The following STN1 variants were observed in gnomAD, a reference collection of about 807,000 sequenced individuals.
STN1 encodes the protein CST complex subunit STN1.
In STN1, 29 loss-of-function variants were observed where a neutral mutation model predicts 45.5. That is an observed-to-expected ratio of 0.64 (90% CI 0.47 to 0.87). STN1 has a LOEUF of 0.87. STN1 is among the 40% of genes least tolerant of loss of function. STN1 has a pLI of 0.00. For synonymous variants in STN1, 148 were observed against 159.0 expected, an observed-to-expected ratio of 0.93 and a Z score of 0.52; for missense variants, 376 against 441.4, an observed-to-expected ratio of 0.85 and a Z score of 1.33.
chr10:103,893,029 G>A (rs559007220), intron 7 of STN1, among the ~76,000 whole-genome samples: 3 of 152,300 alleles, frequency 2.0e-5, no homozygotes, highest in South Asian at 4.2e-4. Context: ...CCTAGCACAC[G>A]TTAGGTGACT....
At chr10:103,909,174 T>TACAGAG in intron 3 of STN1, among the ~76,000 whole-genome samples, 1 of 151,406 alleles carries the variant, frequency 6.6e-6, no homozygotes, top group African/African-American at 2.4e-5. Flanking sequence ...GTTGTTGGCA[T>TACAGAG]TTGGAGAGGA....
At chr10:103,915,881 G>A (rs1843327573) in intron 2 of STN1, among the ~76,000 whole-genome samples, 1 of 151,962 alleles carries the variant, frequency 6.6e-6, no homozygotes, top group African/African-American at 2.4e-5. Context: ...TTATCCTAAG[G>A]AGTGTGCAAC....
intron 3 of STN1, among the ~76,000 whole-genome samples, chr10:103,905,861 CAA>C (rs1843237108): frequency 6.6e-6 from 1 of 152,152 alleles, no homozygotes; most frequent in South Asian, 2.1e-4. Context: ...AAAAATCAAA[CAA>C]TTCCCATTGC....
intron 9 of STN1, among the ~76,000 whole-genome samples, chr10:103,884,089 C>CAAAAAAAA (rs35521096): frequency 1.0e-4 from 5 of 49,798 alleles, no homozygotes; most frequent in African/African-American, 4.0e-4. Context: ...GACTCCATCT[C>CAAAAAAAA]AAAAAAAAAA....
intron 4 of STN1, among the ~76,000 whole-genome samples, chr10:103,900,730 A>ACT (rs71019699): frequency 1.7e-3 from 243 of 145,982 alleles, no homozygotes; most frequent in Middle Eastern, 3.5e-3. Flanking sequence ...ACACACACAC[A>ACT]CTCTCTCTCT....
rs550312206 is a variant in STN1, at chr10:103,884,587, G to A, written c.950-1746C>T. ...GGCGCAGGCATGGTCTCTCTCTGCCGTATACCCAGTATCTGGCACACAAAA... is the reference window on the plus strand; with the variant it reads ...GGCGCAGGCATGGTCTCTCTCTGCCATATACCCAGTATCTGGCACACAAAA... On this transcript the variant is annotated intron_variant, in intron 9 of 9. Coordinates refer to ENST00000224950, the MANE Select transcript of STN1 (RefSeq NM_024928.5). Among the ~76,000 whole-genome samples, 33 of 152,224 alleles carry A rather than the reference G, an allele frequency of 2.2e-4. 1 individual carries two copies. In the South Asian group the frequency reaches 6.8e-3, roughly 32 times the overall value.
chr10:103,904,298 T>C (rs1341843843), intron 4 of STN1, among the ~76,000 whole-genome samples: 3 of 152,102 alleles, frequency 2.0e-5, no homozygotes, highest in Non-Finnish European at 4.4e-5. Context: ...TATTCTTTCA[T>C]ATTATGAACT....
chr10:103,888,922 G>A, intron 9 of STN1, 150 bp downstream of exon 9: 1 of 604,656 alleles, frequency 1.7e-6, no homozygotes, highest in Non-Finnish European at 3.0e-6. Context: ...AGGAGATGGA[G>A]GCTCAGGGAG....
In STN1 at chr10:103,900,131, C is replaced by T; in HGVS notation, c.388G>A (p.Asp130Asn). The T allele has an allele frequency of 3.1e-6, 5 of 1,614,158 alleles. No homozygotes were observed. The highest frequency in any genetic ancestry group is 1.3e-5 in the African/African-American group (1 of 75,026). The change falls in exon 5 of 10, where the codon GAC becomes AAC. Residue 130 changes from aspartate (D) to asparagine (N), a missense_variant. Transcript: ENST00000224950. The stretch of plus-strand genomic sequence containing the variant: ...ATACTGCCTCTGACTCGGATCGTGT[C>T]CCCGATCTCTATCTTTGTTTTCTGC... ...IEQKTKIEIG[D>N]TIRVRGSIRT... is the part of the protein sequence containing the mutation.
Position 103,905,161 on chromosome 10 carries a change from A to G in STN1, c.230-5T>C. On this transcript the variant is annotated splice_polypyrimidine_tract_variant and splice_region_variant and intron_variant, in intron 3 of 9. Transcript: ENST00000224950. Reference sequence around the variant, plus strand: ...TAACTCCAGTGCTGTCATCCACTGCAAGAGAAAAGCAAAAGGGTATAAGAG... The same window carrying G: ...TAACTCCAGTGCTGTCATCCACTGCGAGAGAAAAGCAAAAGGGTATAAGAG... 1 of 1,613,784 alleles carries G rather than the reference A, an allele frequency of 6.2e-7. No individual in the cohort carries two copies. The highest frequency in any genetic ancestry group is 1.1e-5 in the South Asian group (1 of 91,064).
Position 103,902,175 on chromosome 10 carries a change from G to A in STN1, c.296-1952C>T, listed in dbSNP as rs779709514. ...CAACATAGGGAGCACAGAGAACTCT[G>A]TGCATTCAGTGAGTCCAGGTAGGAA... On this transcript the variant is annotated intron_variant, in intron 4 of 9. Coordinates refer to ENST00000224950, the MANE Select transcript of STN1 (RefSeq NM_024928.5). Among the ~76,000 whole-genome samples the A allele has an allele frequency of 1.3e-4, 20 of 152,274 alleles. No individual in the cohort carries two copies. In the South Asian group the frequency reaches 1.5e-3, roughly 11 times the overall value.
chr10:103,884,316 G>A (rs955720978), intron 9 of STN1, among the ~76,000 whole-genome samples: 8 of 151,968 alleles, frequency 5.3e-5, no homozygotes, highest in African/African-American at 1.9e-4. Flanking sequence ...ATTTTTGTAG[G>A]TTGCGATCAG....
chr10:103,909,805 A>G (rs1029246000), intron 3 of STN1, among the ~76,000 whole-genome samples: 2 of 152,176 alleles, frequency 1.3e-5, no homozygotes, highest in African/African-American at 4.8e-5. Flanking sequence ...TGTCAATTTC[A>G]GCAAAGGTTT....
chr10:103,903,107 C>T (rs2134369029), intron 4 of STN1, among the ~76,000 whole-genome samples: 1 of 152,208 alleles, frequency 6.6e-6, no homozygotes, highest in South Asian at 2.1e-4. Context: ...GCCCATGGAC[C>T]AAATCCATCC....
At chr10:103,914,339 T>C (rs189398137) in intron 2 of STN1, among the ~76,000 whole-genome samples, 5,186 of 20,436 alleles carry the variant, frequency 0.25, 316 homozygotes, top group South Asian at 0.46. Flanking sequence ...AAAATACATA[T>C]ATATATATAT....
In STN1 at chr10:103,900,160, A is replaced by T. The variant is rs775287540; in HGVS notation, c.359T>A (p.Ile120Asn). 6.2e-6 allele frequency: 10 copies of T among 1,614,048 alleles called. No homozygotes were observed. In the Admixed American group the frequency reaches 1.0e-4, roughly 16 times the overall value. Residue 120 changes from isoleucine (I) to asparagine (N), a missense_variant, in exon 5 of 10, where the codon ATT becomes AAT. Coordinates refer to ENST00000224950, the MANE Select transcript of STN1 (RefSeq NM_024928.5). ...TSQLKKLQETIEQKTKIEIGD... is the reference protein window; with the variant it reads ...TSQLKKLQETNEQKTKIEIGD... ...GATCTCTATCTTTGTTTTCTGCTCA[A>T]TGGTCTCTTGTAGCTTCTTAAGTTG...
intron 2 of STN1, among the ~76,000 whole-genome samples, chr10:103,911,119 C>T (rs1350306493): frequency 2.0e-5 from 3 of 150,120 alleles, no homozygotes; most frequent in Non-Finnish European, 4.4e-5. Context: ...GGTTACAAAA[C>T]GCTACCCTTT....
intron 3 of STN1, among the ~76,000 whole-genome samples, chr10:103,906,746 T>C (rs977311893): frequency 2.6e-5 from 4 of 152,096 alleles, no homozygotes; most frequent in East Asian, 1.9e-4. Context: ...AAGAAAAGAA[T>C]ATGCGATTCA....
At chr10:103,899,093 T>C (rs938572115) in intron 5 of STN1, 93 bp from the exon 6 acceptor site, 3 of 1,400,190 alleles carry the variant, frequency 2.1e-6, no homozygotes, top group Non-Finnish European at 2.9e-6. Context: ...AAGACAACAG[T>C]AAATGAGGTG....
Sources: allele counts gnomAD v4.1 joint callset (sites outside exome capture counted in the v4.1 genomes callset), GRCh38; gene constraint gnomAD v4.1.1; transcripts MANE v1.5; gene names NCBI Gene and HGNC (gene_info 2026-07-23, HGNC 2026-07-21).